Variants in POPDC2 observed in about 807,000 individuals in gnomAD.
POPDC2 encodes popeye domain-containing protein 2.
POPDC2 carries 24 observed loss-of-function variants against 30.5 expected under a neutral mutation model. The ratio of observed to expected loss-of-function variants is 0.79; its 90% CI spans 0.57 to 1.11. The LOEUF (loss-of-function observed/expected upper bound fraction) is 1.11. POPDC2 is among the 50% of genes least tolerant of loss of function. The pLI is 0.00. For missense variants in POPDC2, 409 were observed against 447.0 expected (o/e 0.91, Z 0.77); for synonymous variants, 185 against 183.3 (o/e 1.01, Z -0.07).
intron 1 of POPDC2, among the ~76,000 whole-genome samples, chr3:119,655,253 G>A (rs573539233): frequency 1.2e-4 from 18 of 151,424 alleles, no homozygotes; most frequent in East Asian, 3.9e-4. Context: ...ACTTGAACTC[G>A]GGGGTGGAGG....
chr3:119,655,785 A>G (rs1211225582), intron 1 of POPDC2, among the ~76,000 whole-genome samples: 1 of 152,214 alleles, frequency 6.6e-6, no homozygotes, highest in East Asian at 1.9e-4. Context: ...GGCGGAACTA[A>G]AATTCTATGT....
intron 1 of POPDC2, among the ~76,000 whole-genome samples, chr3:119,658,122 T>G (rs1030222327): frequency 6.6e-6 from 1 of 152,176 alleles, no homozygotes; most frequent in African/African-American, 2.4e-5. Context: ...TGTCTGCTGC[T>G]TTGAGATGTT....
At chr3:119,655,199 G>A (rs1157332496) in intron 1 of POPDC2, among the ~76,000 whole-genome samples, 1 of 151,844 alleles carries the variant, frequency 6.6e-6, no homozygotes, top group African/African-American at 2.4e-5. Flanking sequence ...ATGGTGGCGG[G>A]TGCCTGTAAT....
Position 119,648,196 on chromosome 3 carries a change from A to G in POPDC2, c.1073T>C (p.Met358Thr), listed in dbSNP as rs138545017. The change falls in exon 3 of 4, where the codon ATG (methionine) becomes ACG (threonine). Residue 358 changes from methionine to threonine, a missense_variant. Met to Thr is a moderately conservative substitution (Grantham distance 81). Transcript: ENST00000493094. ...GTACTCCCCATCACTCCTATAATCC[A>G]TAAACGATTCTGATCCTGACACCTC... Reference protein sequence around the residue: ...FEEVSGSESFMDYRSDGEYMR With the variant: ...FEEVSGSESFTDYRSDGEYMR 3.9e-3 allele frequency: 6,109 copies of G among 1,562,544 alleles called. 17 individuals carry two copies. The highest frequency in any genetic ancestry group is 4.9e-3 in the Non-Finnish European group (5,604 of 1,152,980).
chr3:119,648,261 C>T lies in POPDC2; in HGVS notation c.1008G>A (p.Leu336=). 6.2e-7 allele frequency: 1 copy of T among 1,613,492 alleles called. No homozygotes were observed. The highest frequency in any genetic ancestry group is 8.5e-7 in the Non-Finnish European group (1 of 1,179,760). The part of the protein sequence containing the change: ...ARLSRPDSGI[L]GEDSTSLVLE... ...GCACCAGACTGGTGGAGTCCTCACC[C>T]AGTATGCCACTGTCTGGCCTGGACA... is the stretch of plus-strand genomic sequence containing the variant. The change falls in exon 3 of 4, where the codon CTG becomes CTA. Residue 336 remains leucine, a synonymous_variant. Transcript: ENST00000493094.
Position 119,642,468 on chromosome 3 carries a change from A to G in POPDC2, c.*137T>C. The G allele has an allele frequency of 6.3e-7, 1 of 1,594,232 alleles. No individual in the cohort carries two copies. The highest frequency in any genetic ancestry group is 1.3e-5 in the African/African-American group (1 of 74,630). On this transcript the variant is annotated 3_prime_UTR_variant, in exon 4 of 4. Coordinates refer to ENST00000493094, the MANE Select transcript of POPDC2 (RefSeq NM_001369919.2). ...GCGCTGGCCACAGAGAAGATAGTCC[A>G]ATGATCCTTAAAGTTCAGGCGTGTG...
rs1180356474 is a variant in POPDC2, at chr3:119,648,520, T to C, written c.749A>G (p.Asp250Gly). 1 of 1,613,916 alleles carries C rather than the reference T, an allele frequency of 6.2e-7. No individual in the cohort carries two copies. Among genetic ancestry groups the C allele is most frequent in the African/African-American group, 1.3e-5 (1 of 74,868 alleles). ...DISEKLYTLN[D>G]KLFAKFGLRF... ...CAGCCCAAACTTAGCAAAGAGCTTG[T>C]CATTGAGAGTGTAGAGCTTCTCTGA... Residue 250 changes from aspartate to glycine, a missense_variant, in exon 3 of 4, where the codon GAC (aspartate) becomes GGC (glycine). By Grantham distance (94) the Asp-to-Gly change is moderately conservative. Transcript: ENST00000493094.
In POPDC2 at chr3:119,642,553, T is replaced by A. The variant is rs2052701726; in HGVS notation, c.*52A>T. Reference sequence around the variant, plus strand: ...ACTTGAGAGTAGCTCTGGAGAGGAATTCTAGAAGCTGTGGAAAGAAAAAGA... The same window carrying A: ...ACTTGAGAGTAGCTCTGGAGAGGAAATCTAGAAGCTGTGGAAAGAAAAAGA... On this transcript the variant is annotated 3_prime_UTR_variant, in exon 4 of 4. Transcript: ENST00000493094. 1.3e-5 allele frequency: 21 copies of A among 1,610,362 alleles called. No individual in the cohort carries two copies. Among genetic ancestry groups the A allele is most frequent in the Non-Finnish European group, 1.8e-5 (21 of 1,176,768 alleles).
At chr3:119,643,785 G>T (rs1304292564) in intron 3 of POPDC2, among the ~76,000 whole-genome samples, 2 of 152,098 alleles carry the variant, frequency 1.3e-5, no homozygotes, top group African/African-American at 4.8e-5. Context: ...AAATCCCTGA[G>T]ATTTCTTATG....
At chr3:119,650,827 C>T (rs1453034819) in intron 2 of POPDC2, among the ~76,000 whole-genome samples, 1 of 152,224 alleles carries the variant, frequency 6.6e-6, no homozygotes, top group Non-Finnish European at 1.5e-5. Flanking sequence ...ATCCAGTTGC[C>T]TATGCAGCAT....
intron 1 of POPDC2, among the ~76,000 whole-genome samples, chr3:119,657,829 A>T (rs4687870): frequency 0.44 from 66,669 of 151,622 alleles, 15,036 homozygotes; most frequent in South Asian, 0.57. Flanking sequence ...TCTTCTCCTA[A>T]ATGAATAGCT....
At chr3:119,643,473 G>T in intron 3 of POPDC2, 1 of 1,396,712 alleles carries the variant, frequency 7.2e-7, no homozygotes, top group Non-Finnish European at 9.8e-7. Flanking sequence ...GAGAAAGAAA[G>T]AGAGAGAGAC....
At chr3:119,653,756 C>T (rs979140752) in intron 2 of POPDC2, among the ~76,000 whole-genome samples, 1 of 152,124 alleles carries the variant, frequency 6.6e-6, no homozygotes, top group Non-Finnish European at 1.5e-5. Flanking sequence ...GGATTACAGG[C>T]GTGAGCCACC....
At chr3:119,658,187 C>A (rs2052900061) in intron 1 of POPDC2, among the ~76,000 whole-genome samples, 1 of 152,162 alleles carries the variant, frequency 6.6e-6, no homozygotes, top group Non-Finnish European at 1.5e-5. Flanking sequence ...AAAACTAGAG[C>A]CCAGTCATAG....
At position 119,654,435 on chromosome 3, in the gene POPDC2, T is replaced by A. The variant is rs185770039; in HGVS notation, c.600+70A>T. On this transcript the variant is annotated intron_variant, in intron 2 of 3. Transcript: ENST00000493094. Reference sequence around the variant, plus strand: ...AAGGACAGATGTAAGAGGGGAAACATGGAGGCACGGATATTGCTGGGCTAC... The same window carrying A: ...AAGGACAGATGTAAGAGGGGAAACAAGGAGGCACGGATATTGCTGGGCTAC... 4.5e-5 allele frequency: 47 copies of A among 1,042,988 alleles called. No homozygotes were observed. In the Admixed American group the frequency reaches 4.5e-4, roughly 10 times the overall value. The allele number at this position is 1,042,988 out of a possible 1,614,324, so 64.6% of individuals were successfully genotyped here. A position where few individuals can be genotyped will look rare whatever the true frequency, so the allele number is the denominator to read the frequency against.
At chr3:119,642,593 A>G in intron 3 of POPDC2, 32 bp from the exon 4 acceptor site, 2 of 1,430,138 alleles carry the variant, frequency 1.4e-6, no homozygotes, top group Non-Finnish European at 2.0e-6. Context: ...GGATTTTAGC[A>G]CTATGTCTCT....
chr3:119,645,335 G>C (rs1177757372), intron 3 of POPDC2, among the ~76,000 whole-genome samples: 1 of 152,180 alleles, frequency 6.6e-6, no homozygotes, highest in African/African-American at 2.4e-5. Context: ...GCCCGAGGCG[G>C]GCGGATCACC....
Position 119,660,292 on chromosome 3 carries a change from G to GC in POPDC2, c.131dup (p.Ser45GlnfsTer57). ...GATAGAAGCATCCATACACCCCACTGCCCCCCATGAAGCCCAGGAGTAAGA... is the reference window on the plus strand; with the variant it reads ...GATAGAAGCATCCATACACCCCACTGCCCCCCCATGAAGCCCAGGAGTAAGA... On this transcript the variant is annotated frameshift_variant, in exon 1 of 4. Coordinates refer to ENST00000493094, the MANE Select transcript of POPDC2 (RefSeq NM_001369919.2). LOFTEE classifies it high-confidence loss of function. The GC allele has an allele frequency of 1.2e-6, 2 of 1,614,112 alleles. No individual in the cohort carries two copies. Among genetic ancestry groups the GC allele is most frequent in the Non-Finnish European group, 1.7e-6 (2 of 1,180,018 alleles).
At chr3:119,651,314 T>G (rs1054711660) in intron 2 of POPDC2, among the ~76,000 whole-genome samples, 1 of 151,932 alleles carries the variant, frequency 6.6e-6, no homozygotes, top group African/African-American at 2.4e-5. Flanking sequence ...AGGATTTCCA[T>G]GACCACCCTA....
Sources: gnomAD v4.1 joint callset for allele counts (sites outside exome capture counted in the v4.1 genomes callset) on GRCh38, gnomAD v4.1.1 for gene constraint, MANE v1.5 for transcripts, NCBI Gene and HGNC (gene_info 2026-07-23, HGNC 2026-07-21) for gene names.